The following CDH13 variants were observed in gnomAD, a reference collection of about 807,000 sequenced individuals.
The protein encoded by CDH13 is cadherin-13.
A neutral mutation model predicts 63.8 loss-of-function variants in CDH13; 24 were observed. The observed-to-expected ratio is 0.38, with a 90% confidence interval of 0.27 to 0.53. CDH13 has a LOEUF of 0.53. CDH13 is among the 20% of genes least tolerant of loss of function. The probability of loss-of-function intolerance (pLI) is 0.85; values close to 1 mark genes in which losing one functional copy is unlikely to be tolerated. For synonymous variants in CDH13, 503 were observed against 355.3 expected (o/e 1.42, Z -4.67); for missense variants, 1,049 against 903.1 (o/e 1.16, Z -2.07).
At chr16:83,068,397 T>C (rs2032182117) in intron 3 of CDH13, among the ~76,000 whole-genome samples, 1 of 152,210 alleles carries the variant, frequency 6.6e-6, no homozygotes. Context: ...CAAGACTCTG[T>C]AACTTTGGAG....
chr16:83,137,120 G>A (rs2036324791), intron 4 of CDH13, among the ~76,000 whole-genome samples: 1 of 152,228 alleles, frequency 6.6e-6, no homozygotes, highest in Non-Finnish European at 1.5e-5. Context: ...CCATTGTGGA[G>A]AAGTGGCTTC....
At chr16:83,494,828 A>G (rs759444771) in intron 7 of CDH13, among the ~76,000 whole-genome samples, 34 of 152,178 alleles carry the variant, frequency 2.2e-4, no homozygotes, top group Non-Finnish European at 4.3e-4. Context: ...GTGCCTTTTC[A>G]TAGGATAAAA....
chr16:83,194,104 G>T (rs1435037043), intron 4 of CDH13, among the ~76,000 whole-genome samples: 1 of 152,192 alleles, frequency 6.6e-6, no homozygotes, highest in African/African-American at 2.4e-5. Flanking sequence ...AGGACAGCTC[G>T]TTCCAACCTT....
chr16:83,226,553 AG>A (rs1171244611), intron 5 of CDH13, among the ~76,000 whole-genome samples: 1 of 152,252 alleles, frequency 6.6e-6, no homozygotes, highest in Non-Finnish European at 1.5e-5. Flanking sequence ...AATAAATGAC[AG>A]GATGGCTACC....
In CDH13 at chr16:83,151,756, G is replaced by T. The variant is rs760826652; in HGVS notation, c.483+26255G>T. Among the ~76,000 whole-genome samples the T allele has an allele frequency of 9.8e-5, 15 of 152,306 alleles. 1 individual carries two copies. The highest frequency in any genetic ancestry group is 1.3e-4 in the Admixed American group (2 of 15,288). ...GAGGCGAGCAGATCACCTGAGGTCA[G>T]GAGTTCACGGCCAGCCTGACCAACA... On this transcript the variant is annotated intron_variant, in intron 4 of 13. Coordinates refer to ENST00000567109, the MANE Select transcript of CDH13 (RefSeq NM_001257.5).
At chr16:83,764,375 T>A (rs1243238892) in intron 11 of CDH13, among the ~76,000 whole-genome samples, 1 of 152,222 alleles carries the variant, frequency 6.6e-6, no homozygotes, top group Non-Finnish European at 1.5e-5. Flanking sequence ...CAGCAGGACA[T>A]TTCTACATTG....
At chr16:82,692,815 T>TTGGC (rs35845267) in intron 1 of CDH13, among the ~76,000 whole-genome samples, 1 of 1,730 alleles carries the variant, frequency 5.8e-4, no homozygotes, top group Non-Finnish European at 2.3e-3. Context: ...TGCACAGGCA[T>TTGGC]TTTTAGTATA....
rs367986303 is a variant in CDH13 at position 82,722,695 on chromosome 16, G to A, written c.45+95558G>A. 3.3e-5 allele frequency among the ~76,000 whole-genome samples: 5 copies of A among 152,274 alleles called. 1 individual carries two copies. The highest frequency in any genetic ancestry group is 2.9e-5 in the Non-Finnish European group (2 of 68,022). Reference sequence around the variant, plus strand: ...AGACAGAAGGACAGGTACCTACTACGAGCACCTGCCATTGTATGCAAGCTC... The same window carrying A: ...AGACAGAAGGACAGGTACCTACTACAAGCACCTGCCATTGTATGCAAGCTC... On this transcript the variant is annotated intron_variant, in intron 1 of 13. Transcript: ENST00000567109.
At chr16:83,147,497 C>A (rs1192102350) in intron 4 of CDH13, among the ~76,000 whole-genome samples, 1 of 152,202 alleles carries the variant, frequency 6.6e-6, no homozygotes, top group East Asian at 1.9e-4. Flanking sequence ...GGTGCCTTAT[C>A]CTGCAGCCAC....
At chr16:83,393,778 A>G (rs1370635777) in intron 6 of CDH13, among the ~76,000 whole-genome samples, 1 of 152,168 alleles carries the variant, frequency 6.6e-6, no homozygotes, top group African/African-American at 2.4e-5. Flanking sequence ...TTTAACAAGC[A>G]ATGCCAGGCT....
chr16:82,818,021 A>G (rs2037807715), intron 1 of CDH13, among the ~76,000 whole-genome samples: 1 of 152,220 alleles, frequency 6.6e-6, no homozygotes, highest in South Asian at 2.1e-4. Context: ...ATAGAGTTGT[A>G]GATGTATGCA....
intron 2 of CDH13, among the ~76,000 whole-genome samples, chr16:82,944,083 C>G (rs1269787508): frequency 6.6e-6 from 1 of 152,136 alleles, no homozygotes; most frequent in African/African-American, 2.4e-5. Context: ...GGAAATAACC[C>G]AATTCATTAC....
intron 3 of CDH13, among the ~76,000 whole-genome samples, chr16:83,079,735 T>C (rs2033107866): frequency 6.6e-6 from 1 of 152,218 alleles, no homozygotes; most frequent in Admixed American, 6.5e-5. Flanking sequence ...TAAATAAACA[T>C]ACCATGAGGA....
At chr16:82,648,100 C>T (rs527555693) in intron 1 of CDH13, among the ~76,000 whole-genome samples, 26 of 152,280 alleles carry the variant, frequency 1.7e-4, no homozygotes, top group Non-Finnish European at 3.1e-4. Flanking sequence ...CCTCCTCAGC[C>T]ATGTGGAACT....
At chr16:83,610,238 A>T (rs950131058) in intron 8 of CDH13, among the ~76,000 whole-genome samples, 1 of 145,830 alleles carries the variant, frequency 6.9e-6, no homozygotes, top group African/African-American at 2.5e-5. Flanking sequence ...CAGCTAGAAT[A>T]AAAAAAAAAA....
chr16:82,747,558 C>G (rs8045447), intron 1 of CDH13, among the ~76,000 whole-genome samples: 2,299 of 151,880 alleles, frequency 0.015, 57 homozygotes, highest in African/African-American at 0.054. Context: ...TGGGTCCTTC[C>G]TCAGGTCCGA....
intron 2 of CDH13, among the ~76,000 whole-genome samples, chr16:82,940,325 G>T (rs540427655): frequency 6.6e-6 from 1 of 152,226 alleles, no homozygotes; most frequent in South Asian, 2.1e-4. Context: ...GTAAAATGGA[G>T]ACGGCAAAAA....
intron 1 of CDH13, among the ~76,000 whole-genome samples, chr16:82,670,106 G>A (rs1218512643): frequency 6.6e-6 from 1 of 152,178 alleles, no homozygotes; most frequent in Admixed American, 6.5e-5. Context: ...TTGAGTCACC[G>A]AGCATATGGG....
chr16:83,038,992 A>G (rs1370054372), intron 3 of CDH13, among the ~76,000 whole-genome samples: 1 of 152,218 alleles, frequency 6.6e-6, no homozygotes, highest in Non-Finnish European at 1.5e-5. Flanking sequence ...AACTAAAGAT[A>G]CTGTACCTCC....
Sources: gnomAD v4.1 joint callset for allele counts (sites outside exome capture counted in the v4.1 genomes callset) on GRCh38, gnomAD v4.1.1 for gene constraint, MANE v1.5 for transcripts, NCBI Gene and HGNC (gene_info 2026-07-23, HGNC 2026-07-21) for gene names.